The following CTNNA2 variants were observed in gnomAD, a reference collection of about 807,000 sequenced individuals.
CTNNA2 encodes catenin alpha 2.
A neutral mutation model predicts 101.0 loss-of-function variants in CTNNA2; 42 were observed. The observed-to-expected ratio is 0.42, with a 90% CI of 0.32 to 0.54. The LOEUF is 0.54. Among genes scored for constraint, CTNNA2 ranks in the 20% least tolerant of loss-of-function variants. The pLI is 0.14. For missense variants in CTNNA2, 871 were observed against 1,223.1 expected, an observed-to-expected ratio of 0.71 and a Z score of 4.29; for synonymous variants, 450 against 456.4, an observed-to-expected ratio of 0.99 and a Z score of 0.18.
chr2:79,745,300 G>T (rs1051743364), intron 3 of CTNNA2, among the ~76,000 whole-genome samples: 1 of 151,878 alleles, frequency 6.6e-6, no homozygotes, highest in African/African-American at 2.4e-5. Context: ...GCATGGCAGC[G>T]TGCGCCTGTA....
At chr2:80,068,945 A>G (rs1698152679) in intron 7 of CTNNA2, among the ~76,000 whole-genome samples, 1 of 152,232 alleles carries the variant, frequency 6.6e-6, no homozygotes, top group South Asian at 2.1e-4. Context: ...CAGGCACTGC[A>G]TTAGTCAGGA....
At chr2:80,313,275 T>TTTCTAATTA (rs1677774319) in intron 7 of CTNNA2, 1 of 762,822 alleles carries the variant, frequency 1.3e-6, no homozygotes, top group Non-Finnish European at 1.7e-6. Context: ...CCTCAATCTC[T>TTTCTAATTA]GACAAGAATC....
At chr2:80,064,088 A>G (rs1697802284) in intron 7 of CTNNA2, among the ~76,000 whole-genome samples, 2 of 152,244 alleles carry the variant, frequency 1.3e-5, no homozygotes, top group South Asian at 4.1e-4. Context: ...AGAAGAAAAC[A>G]AAACAAAACA....
rs189861951 is a variant in CTNNA2, at chr2:80,385,005, C to T, written c.1057-8206C>T. On this transcript the variant is annotated intron_variant, in intron 7 of 18. Transcript: ENST00000402739. ...GGATAGAAACTTATGGCTTTAAGTG[C>T]AACTAGATTCAGGAGGCCAAGTGTG... Among the ~76,000 whole-genome samples, 157 of 152,154 alleles carry T rather than the reference C, an allele frequency of 1.0e-3. 1 individual carries two copies. Among genetic ancestry groups the T allele is most frequent in the African/African-American group, 3.6e-3 (150 of 41,502 alleles).
intron 7 of CTNNA2, among the ~76,000 whole-genome samples, chr2:80,126,123 T>C (rs952767702): frequency 6.6e-6 from 1 of 152,166 alleles, no homozygotes; most frequent in African/African-American, 2.4e-5. Flanking sequence ...TCCTGCTTCT[T>C]TGCCTACATT....
intron 7 of CTNNA2, among the ~76,000 whole-genome samples, chr2:80,276,482 T>G (rs1453836753): frequency 2.6e-5 from 4 of 152,158 alleles, no homozygotes; most frequent in African/African-American, 9.6e-5. Flanking sequence ...GGCTGGGGAA[T>G]ATATAAAGAA....
intron 7 of CTNNA2, among the ~76,000 whole-genome samples, chr2:79,950,952 G>A (rs1688839844): frequency 6.6e-6 from 1 of 152,070 alleles, no homozygotes; most frequent in African/African-American, 2.4e-5. Flanking sequence ...ACATGCTTGG[G>A]TTTAAGGACT....
At chr2:79,235,496 C>G (rs1308536070) in intron 2 of CTNNA2, among the ~76,000 whole-genome samples, 1 of 152,020 alleles carries the variant, frequency 6.6e-6, no homozygotes, top group Non-Finnish European at 1.5e-5. Flanking sequence ...CCGCTGACTC[C>G]ATGCCCATAT....
rs112913509 is a variant in CTNNA2, at chr2:80,369,864, G to A, written c.1057-23347G>A. Among the ~76,000 whole-genome samples the A allele has an allele frequency of 4.9e-4, 75 of 152,234 alleles. 1 individual carries two copies. Among genetic ancestry groups the A allele is most frequent in the African/African-American group, 1.7e-3 (70 of 41,554 alleles). On this transcript the variant is annotated intron_variant, in intron 7 of 18. Coordinates refer to ENST00000402739, the MANE Select transcript of CTNNA2 (RefSeq NM_001282597.3). ...TGTTTCCAGAAGCAGGAAAAGGCAC[G>A]GAAACAGATTCTCTTCTAGCACCTC...
chr2:79,688,806 C>G (rs1371661508), intron 2 of CTNNA2, among the ~76,000 whole-genome samples: 1 of 152,004 alleles, frequency 6.6e-6, no homozygotes, highest in Admixed American at 6.6e-5. Flanking sequence ...GAACAAGGTC[C>G]AGAAGGCACC....
At chr2:79,837,846 A>G (rs1341840093) in intron 3 of CTNNA2, among the ~76,000 whole-genome samples, 2 of 152,162 alleles carry the variant, frequency 1.3e-5, no homozygotes, top group Admixed American at 6.6e-5. Context: ...CACAACTCCA[A>G]AAGATCTATA....
chr2:79,901,304 A>G (rs75966114), intron 6 of CTNNA2, among the ~76,000 whole-genome samples: 2,830 of 151,948 alleles, frequency 0.019, 44 homozygotes, highest in African/African-American at 0.032. Flanking sequence ...CTTGATTCAA[A>G]ATAGTCATGC....
intron 9 of CTNNA2, 70 bp downstream of exon 9, chr2:80,419,671 T>A: frequency 2.1e-6 from 3 of 1,438,514 alleles, no homozygotes; most frequent in South Asian, 2.6e-5. Context: ...CTCTTAGAAT[T>A]TCACTAGAGA....
At chr2:80,011,290 CTA>C (rs766985116) in intron 7 of CTNNA2, among the ~76,000 whole-genome samples, 7 of 152,106 alleles carry the variant, frequency 4.6e-5, no homozygotes, top group Non-Finnish European at 8.8e-5. Context: ...AATTTTGTGG[CTA>C]TGTTATTCTT....
At chr2:79,205,470 T>C (rs1014002307) in intron 2 of CTNNA2, among the ~76,000 whole-genome samples, 1 of 152,168 alleles carries the variant, frequency 6.6e-6, no homozygotes, top group African/African-American at 2.4e-5. Context: ...TGAGAGGCAA[T>C]GAAATATTGG....
chr2:80,555,797 C>A lies in CTNNA2; in HGVS notation c.1645C>A (p.Arg549=). 1.9e-6 allele frequency: 3 copies of A among 1,599,916 alleles called. No individual in the cohort carries two copies. Among genetic ancestry groups the A allele is most frequent in the Non-Finnish European group, 2.6e-6 (3 of 1,173,278 alleles). Residue 549 remains arginine (R), a synonymous_variant, in exon 12 of 19, where the codon CGA becomes AGA. Transcript: ENST00000402739. ...AGGGGCCATCAGGGGCCGGGCAGCT[C>A]GAGTCATACACATCATCAATGCTGA... The part of the protein sequence containing the change: ...TAGAIRGRAA[R]VIHIINAEME...
chr2:80,029,129 A>G (rs967927617), intron 7 of CTNNA2, among the ~76,000 whole-genome samples: 2 of 152,218 alleles, frequency 1.3e-5, no homozygotes, highest in African/African-American at 2.4e-5. Flanking sequence ...TTTGAGGTCT[A>G]TTATAATGGA....
At chr2:79,599,300 T>C (rs1677397293) in intron 1 of CTNNA2, among the ~76,000 whole-genome samples, 1 of 152,204 alleles carries the variant, frequency 6.6e-6, no homozygotes, top group South Asian at 2.1e-4. Flanking sequence ...AAATGTTTTT[T>C]AACACTGTAT....
At chr2:79,260,985 C>T (rs1460731148) in intron 2 of CTNNA2, among the ~76,000 whole-genome samples, 1 of 152,110 alleles carries the variant, frequency 6.6e-6, no homozygotes, top group Non-Finnish European at 1.5e-5. Context: ...ACTGATAATG[C>T]CAATCTGTGG....
Sources: allele counts gnomAD v4.1 joint callset (sites outside exome capture counted in the v4.1 genomes callset), GRCh38; gene constraint gnomAD v4.1.1; transcripts MANE v1.5; gene names NCBI Gene and HGNC (gene_info 2026-07-23, HGNC 2026-07-21).